Variants in MAF observed in about 807,000 individuals in gnomAD.
The protein encoded by MAF is MAF bZIP transcription factor, also known as transcription factor Maf.
A neutral mutation model predicts 22.0 loss-of-function variants in MAF; 10 were observed. That is an observed-to-expected ratio of 0.45 (90% CI 0.28 to 0.77). The LOEUF is 0.77. MAF is among the 30% of genes least tolerant of loss of function. The pLI, the probability that MAF is intolerant of heterozygous loss-of-function variation, is 0.12. For missense variants in MAF, 544 were observed against 548.4 expected, an observed-to-expected ratio of 0.99 and a Z score of 0.08; for synonymous variants, 337 against 255.8, an observed-to-expected ratio of 1.32 and a Z score of -3.03.
At chr16:79,547,100 C>T in the MAF span, among the ~76,000 whole-genome samples, 1 of 152,106 alleles carries the variant, frequency 6.6e-6, no homozygotes, top group Non-Finnish European at 1.5e-5. Context: ...TCAGACGTAT[C>T]TAGCACTGTT....
At chr16:79,451,347 A>C in the MAF span, among the ~76,000 whole-genome samples, 1 of 152,298 alleles carries the variant, frequency 6.6e-6, no homozygotes, top group African/African-American at 2.4e-5. Context: ...AAACAATGGT[A>C]AAAGGGTGAC....
chr16:79,524,279 C>T, the MAF span, among the ~76,000 whole-genome samples: 2 of 152,216 alleles, frequency 1.3e-5, no homozygotes, highest in Non-Finnish European at 2.9e-5. Flanking sequence ...GGGGGCTATG[C>T]AATACCTTCT....
Position 79,600,211 on chromosome 16 carries a change from A to C in MAF, c.-309T>G. Reference sequence around the variant, plus strand: ...AGCCGGCGGCTTCAGGCTCGGGAAGATCCTCCGCGAGCTGCGGTGGCGGCG... The same window carrying C: ...AGCCGGCGGCTTCAGGCTCGGGAAGCTCCTCCGCGAGCTGCGGTGGCGGCG... On this transcript the variant is annotated 5_prime_UTR_variant, in exon 1 of 2. Transcript: ENST00000326043. 3.3e-6 allele frequency: 1 copy of C among 306,282 alleles called. No homozygotes were observed. Among genetic ancestry groups the C allele is most frequent in the Admixed American group, 5.4e-5 (1 of 18,522 alleles). The allele number at this position is 306,282 out of a possible 1,614,324, so 19.0% of individuals were successfully genotyped here. A position where few individuals can be genotyped will look rare whatever the true frequency, so the allele number is the denominator to read the frequency against.
At chr16:79,263,125 G>A in the MAF span, among the ~76,000 whole-genome samples, 2 of 152,114 alleles carry the variant, frequency 1.3e-5, no homozygotes, top group African/African-American at 4.8e-5. Flanking sequence ...CCAGGAACTG[G>A]GACTAGGCAG....
the MAF span, among the ~76,000 whole-genome samples, chr16:79,296,159 A>G: frequency 6.6e-6 from 1 of 152,248 alleles, no homozygotes; most frequent in African/African-American, 2.4e-5. Context: ...TCTTCCTCAT[A>G]GATCACTGTG....
At chr16:79,562,325 G>C in the MAF span, among the ~76,000 whole-genome samples, 1 of 152,158 alleles carries the variant, frequency 6.6e-6, no homozygotes, top group Non-Finnish European at 1.5e-5. Context: ...CCCATTGATA[G>C]TCCCAGCATC....
At chr16:79,595,658 C>A (rs1031372831) in intron 1 of MAF, 15 of 1,057,834 alleles carry the variant, frequency 1.4e-5, no homozygotes, top group Non-Finnish European at 1.7e-5. Flanking sequence ...TAAGTCAGCC[C>A]CCATACACAG....
At chr16:79,204,281 A>T in the MAF span, 1 of 152,096 alleles carries the variant, frequency 6.6e-6, no homozygotes, top group African/African-American at 2.4e-5. Flanking sequence ...TCTTAGTTCT[A>T]ATGAGACAGC....
chr16:79,517,764 A>T, the MAF span, among the ~76,000 whole-genome samples: 4 of 151,984 alleles, frequency 2.6e-5, no homozygotes, highest in African/African-American at 9.7e-5. Context: ...TAGTAGAGAC[A>T]GGGTTTCACC....
chr16:79,499,121 T>A, the MAF span, among the ~76,000 whole-genome samples: 1 of 152,194 alleles, frequency 6.6e-6, no homozygotes, highest in African/African-American at 2.4e-5. Flanking sequence ...CAACTTGCAA[T>A]CTCCATTGTA....
the MAF span, among the ~76,000 whole-genome samples, chr16:79,548,642 G>A: frequency 6.6e-6 from 1 of 152,134 alleles, no homozygotes. Context: ...TTATTTTGTG[G>A]ATGGATCCAT....
the MAF span, among the ~76,000 whole-genome samples, chr16:79,481,120 C>T: frequency 2.0e-5 from 3 of 152,184 alleles, no homozygotes; most frequent in Non-Finnish European, 4.4e-5. Context: ...TTCCCACTGG[C>T]TGACAGCCCA....
chr16:79,266,537 C>T, the MAF span, among the ~76,000 whole-genome samples: 63 of 152,246 alleles, frequency 4.1e-4, no homozygotes, highest in African/African-American at 1.5e-3. Context: ...GTGTATGGAA[C>T]ACTTGGACTG....
chr16:79,334,857 G>GTA, the MAF span, among the ~76,000 whole-genome samples: 104 of 91,718 alleles, frequency 1.1e-3, no homozygotes, highest in East Asian at 4.6e-3. Context: ...GTGTGTGTGT[G>GTA]TGTGTATGTG....
chr16:79,332,223 C>T, the MAF span, among the ~76,000 whole-genome samples: 1 of 152,226 alleles, frequency 6.6e-6, no homozygotes. Flanking sequence ...TCTATTCACT[C>T]ACCTGTGCAT....
At chr16:79,276,080 G>T in the MAF span, among the ~76,000 whole-genome samples, 3 of 152,076 alleles carry the variant, frequency 2.0e-5, no homozygotes, top group African/African-American at 7.2e-5. Context: ...GGCAGAGGTT[G>T]CAGTGAGCCG....
At chr16:79,239,342 C>T in the MAF span, among the ~76,000 whole-genome samples, 1 of 151,954 alleles carries the variant, frequency 6.6e-6, no homozygotes, top group Non-Finnish European at 1.5e-5. Context: ...GTTTCCTGGG[C>T]CGTGGGACAG....
the MAF span, among the ~76,000 whole-genome samples, chr16:79,266,149 T>C: frequency 6.6e-6 from 1 of 152,114 alleles, no homozygotes; most frequent in African/African-American, 2.4e-5. Flanking sequence ...GCTAGGATTA[T>C]AGGTGTGAGC....
the MAF span, among the ~76,000 whole-genome samples, chr16:79,281,512 C>T: frequency 6.7e-6 from 1 of 150,162 alleles, no homozygotes; most frequent in African/African-American, 2.5e-5. Context: ...GAAATCCCAT[C>T]TCAAGCACCT....
Sources: gnomAD v4.1 joint callset for allele counts (sites outside exome capture counted in the v4.1 genomes callset) on GRCh38, gnomAD v4.1.1 for gene constraint, MANE v1.5 for transcripts, NCBI Gene and HGNC (gene_info 2026-07-23, HGNC 2026-07-21) for gene names.